Variants in SGCZ observed in about 807,000 individuals in gnomAD.
The protein encoded by SGCZ is sarcoglycan zeta.
In SGCZ, 40 loss-of-function variants were observed where a neutral mutation model predicts 41.3. That is an observed-to-expected ratio of 0.97 (90% CI 0.75 to 1.26). The LOEUF is 1.26. Among genes scored for constraint, SGCZ ranks in the 50% most tolerant of loss-of-function variants. The probability of loss-of-function intolerance (pLI) is 0.00; values close to 1 mark genes in which losing one functional copy is unlikely to be tolerated. For synonymous variants in SGCZ, 206 were observed against 137.5 expected (o/e 1.50, Z -3.49); for missense variants, 552 against 369.8 (o/e 1.49, Z -4.04).
chr8:14,579,360 G>A (rs1051905594), intron 1 of SGCZ, among the ~76,000 whole-genome samples: 1 of 152,166 alleles, frequency 6.6e-6, no homozygotes, highest in Non-Finnish European at 1.5e-5. Flanking sequence ...AATCAGAAAT[G>A]CATGTTCTCA....
At chr8:14,252,249 A>T (rs879360207) in intron 3 of SGCZ, among the ~76,000 whole-genome samples, 13 of 151,708 alleles carry the variant, frequency 8.6e-5, no homozygotes, top group African/African-American at 3.1e-4. Flanking sequence ...TAGCTATGTT[A>T]CTCAGCTCTT....
rs145599722 is a variant in SGCZ, at chr8:15,086,329, G to A, written c.39+151256C>T. Among the ~76,000 whole-genome samples, 942 of 152,222 alleles carry A rather than the reference G, an allele frequency of 6.2e-3. 7 individuals carry two copies. The highest frequency in any genetic ancestry group is 0.018 in the African/African-American group (747 of 41,544). ...GGTTGCTAAAGACACATAAGCTTGG[G>A]TTTGGAAAAGACCATTCGCATACCT... On this transcript the variant is annotated intron_variant, in intron 1 of 7. Transcript: ENST00000382080.
chr8:14,378,051 G>C (rs924759931), intron 2 of SGCZ, among the ~76,000 whole-genome samples: 10 of 149,734 alleles, frequency 6.7e-5, no homozygotes, highest in Admixed American at 5.3e-4. Flanking sequence ...ACCCAGTAAT[G>C]GGATGGCTGG....
intron 2 of SGCZ, among the ~76,000 whole-genome samples, chr8:14,412,691 G>A (rs995997473): frequency 3.3e-5 from 5 of 151,966 alleles, no homozygotes; most frequent in Non-Finnish European, 7.4e-5. Flanking sequence ...AACCATGGTG[G>A]AAATCTCTCA....
At chr8:14,982,354 T>C (rs1159661535) in intron 1 of SGCZ, among the ~76,000 whole-genome samples, 1 of 152,172 alleles carries the variant, frequency 6.6e-6, no homozygotes, top group African/African-American at 2.4e-5. Flanking sequence ...TTATGATTCG[T>C]TCGTTGTGTG....
chr8:14,338,586 T>G (rs1191165106), intron 2 of SGCZ, among the ~76,000 whole-genome samples: 1 of 152,190 alleles, frequency 6.6e-6, no homozygotes, highest in Non-Finnish European at 1.5e-5. Context: ...ATTCTCTTGT[T>G]TATTGAGGAA....
intron 7 of SGCZ, among the ~76,000 whole-genome samples, chr8:14,094,292 G>GC (rs998094063): frequency 3.3e-5 from 5 of 151,648 alleles, no homozygotes; most frequent in South Asian, 2.1e-4. Context: ...CCCTCCCCTA[G>GC]CCCCCCCATG....
In SGCZ at chr8:14,813,460, G is replaced by A. The variant is rs566868140; in HGVS notation, c.40-258534C>T. On this transcript the variant is annotated intron_variant, in intron 1 of 7. Coordinates refer to ENST00000382080, the MANE Select transcript of SGCZ (RefSeq NM_139167.4). ...GAAATGCAAATCTGATAAATTGTTC[G>A]TTACACAACTCTGTTTGGGGAAAAT... 3.2e-3 allele frequency among the ~76,000 whole-genome samples: 488 copies of A among 152,184 alleles called. 1 individual carries two copies. Among genetic ancestry groups the A allele is most frequent in the Non-Finnish European group, 5.8e-3 (393 of 68,008 alleles).
chr8:14,528,567 T>C (rs1803023291), intron 2 of SGCZ, among the ~76,000 whole-genome samples: 1 of 152,100 alleles, frequency 6.6e-6, no homozygotes, highest in South Asian at 2.1e-4. Flanking sequence ...TTAGTTTTCT[T>C]TTATTTAAAA....
chr8:14,596,543 A>AT (rs1805418972), intron 1 of SGCZ, among the ~76,000 whole-genome samples: 1 of 152,092 alleles, frequency 6.6e-6, no homozygotes, highest in Non-Finnish European at 1.5e-5. Context: ...TAAAATATTT[A>AT]TTTTTTCTTT....
chr8:14,281,823 G>T (rs1431568633), intron 3 of SGCZ, among the ~76,000 whole-genome samples: 4 of 151,724 alleles, frequency 2.6e-5, no homozygotes, highest in Non-Finnish European at 5.9e-5. Context: ...ATGTATATCT[G>T]GGTGTCTTGG....
At chr8:14,727,758 C>T (rs1395064370) in intron 1 of SGCZ, among the ~76,000 whole-genome samples, 1 of 152,062 alleles carries the variant, frequency 6.6e-6, no homozygotes, top group Non-Finnish European at 1.5e-5. Context: ...GTGATCCACC[C>T]GCCTCGGCCT....
intron 1 of SGCZ, among the ~76,000 whole-genome samples, chr8:15,149,563 A>G (rs536527998): frequency 1.3e-5 from 2 of 152,292 alleles, no homozygotes; most frequent in African/African-American, 4.8e-5. Context: ...TGCTTTAAGG[A>G]TGGAATTTTC....
intron 1 of SGCZ, among the ~76,000 whole-genome samples, chr8:14,708,883 T>C (rs1477849522): frequency 1.3e-5 from 2 of 151,462 alleles, no homozygotes; most frequent in Non-Finnish European, 2.9e-5. Flanking sequence ...CATGTAACAT[T>C]CAAATTCTTG....
chr8:14,684,963 G>T (rs1356367934), intron 1 of SGCZ, among the ~76,000 whole-genome samples: 8 of 152,066 alleles, frequency 5.3e-5, no homozygotes, highest in African/African-American at 1.4e-4. Flanking sequence ...ATTTCTAAAT[G>T]TACAAGCAAA....
intron 1 of SGCZ, among the ~76,000 whole-genome samples, chr8:14,791,762 A>C (rs1352972364): frequency 1.3e-5 from 2 of 152,218 alleles, no homozygotes; most frequent in Non-Finnish European, 2.9e-5. Context: ...CCCATGAAGC[A>C]AGAGCTATAG....
intron 2 of SGCZ, among the ~76,000 whole-genome samples, chr8:14,518,324 T>C (rs1802686335): frequency 6.6e-6 from 1 of 152,126 alleles, no homozygotes; most frequent in South Asian, 2.1e-4. Flanking sequence ...CTGCAGATCT[T>C]ACATTGTATG....
At chr8:15,019,041 A>T (rs1440769849) in intron 1 of SGCZ, among the ~76,000 whole-genome samples, 2 of 152,168 alleles carry the variant, frequency 1.3e-5, no homozygotes, top group African/African-American at 4.8e-5. Flanking sequence ...TCTCATGAGA[A>T]CTCACTCACT....
intron 1 of SGCZ, among the ~76,000 whole-genome samples, chr8:15,100,482 T>C (rs1806563345): frequency 6.6e-6 from 1 of 152,180 alleles, no homozygotes; most frequent in Non-Finnish European, 1.5e-5. Flanking sequence ...AGTTAATCCA[T>C]GTTCATGAAT....
Sources: gnomAD v4.1 joint callset for allele counts (sites outside exome capture counted in the v4.1 genomes callset) on GRCh38, gnomAD v4.1.1 for gene constraint, MANE v1.5 for transcripts, NCBI Gene and HGNC (gene_info 2026-07-23, HGNC 2026-07-21) for gene names.